EPAS1: variants seen among roughly 807,000 people sequenced by gnomAD.
EPAS1 encodes the protein endothelial PAS domain protein 1, also known as endothelial PAS domain-containing protein 1.
A neutral mutation model predicts 87.9 loss-of-function variants in EPAS1; 23 were observed. That is an observed-to-expected ratio of 0.26 (90% confidence interval 0.19 to 0.37). EPAS1 has a LOEUF of 0.37. Ranked by LOEUF, EPAS1 falls within the 10% of genes least tolerant of loss-of-function variation. The pLI is 1.00. For synonymous variants in EPAS1, 508 were observed against 444.3 expected (o/e 1.14, Z -1.80); for missense variants, 1,138 against 1,120.7 (o/e 1.02, Z -0.22).
At chr2:46,342,097 C>G (rs1683924701) in intron 1 of EPAS1, among the ~76,000 whole-genome samples, 1 of 152,216 alleles carries the variant, frequency 6.6e-6, no homozygotes, top group Admixed American at 6.5e-5. Context: ...GCCCAGCCTG[C>G]ACCTGAGACC....
chr2:46,380,934 A>G lies in EPAS1; in HGVS notation c.2045+217A>G, dbSNP rs1034682171. ...CTGGGCTGCCACTGAGGGCAGGCAAAGAAGTGGCTTGTTGAGAGCCCTGTA... is the reference window on the plus strand; with the variant it reads ...CTGGGCTGCCACTGAGGGCAGGCAAGGAAGTGGCTTGTTGAGAGCCCTGTA... On this transcript the variant is annotated intron_variant, in intron 12 of 15. Transcript: ENST00000263734. The surrounding 1 kb of genome is among the most constrained non-coding windows in gnomAD (Gnocchi z 4.4). Among the ~76,000 whole-genome samples the G allele has an allele frequency of 1.3e-5, 2 of 152,194 alleles. No individual in the cohort carries two copies. Among genetic ancestry groups the G allele is most frequent in the Non-Finnish European group, 2.9e-5 (2 of 68,040 alleles).
rs188539969 is a variant in EPAS1 at position 46,307,359 on chromosome 2, A to C, written c.26+9422A>C. ...CCTTTATTTGTGTGCTTGCACAACAAATGTTTACCCAGATATTAAGATAAG... is the reference window on the plus strand; with the variant it reads ...CCTTTATTTGTGTGCTTGCACAACACATGTTTACCCAGATATTAAGATAAG... On this transcript the variant is annotated intron_variant, in intron 1 of 15. Coordinates refer to ENST00000263734, the MANE Select transcript of EPAS1 (RefSeq NM_001430.5). Among the ~76,000 whole-genome samples, 6 of 152,304 alleles carry C rather than the reference A, an allele frequency of 3.9e-5. No homozygotes were observed. In the East Asian group the frequency reaches 1.2e-3, roughly 29 times the overall value.
At chr2:46,374,471 C>T (rs925496927) in intron 7 of EPAS1, among the ~76,000 whole-genome samples, 1 of 152,186 alleles carries the variant, frequency 6.6e-6, no homozygotes, top group Non-Finnish European at 1.5e-5. Context: ...TGGGTACAGT[C>T]GATCCTCAGT....
At chr2:46,356,024 C>T in intron 2 of EPAS1, 127 bp from the exon 3 acceptor site, 1 of 983,164 alleles carries the variant, frequency 1.0e-6, no homozygotes, top group Non-Finnish European at 1.6e-6. Flanking sequence ...AGATGGTTGG[C>T]AGTATGCGTT....
intron 6 of EPAS1, among the ~76,000 whole-genome samples, chr2:46,369,221 G>A (rs1462851842): frequency 6.6e-6 from 1 of 152,180 alleles, no homozygotes; most frequent in Admixed American, 6.5e-5. Context: ...GGCACCTGAG[G>A]TCACAGGCAG....
At chr2:46,323,955 C>G (rs1311857410) in intron 1 of EPAS1, among the ~76,000 whole-genome samples, 1 of 152,202 alleles carries the variant, frequency 6.6e-6, no homozygotes, top group East Asian at 1.9e-4. Flanking sequence ...AATGTCTGGT[C>G]TCACCACCAA....
chr2:46,344,306 C>T (rs1271313867), intron 1 of EPAS1, among the ~76,000 whole-genome samples: 4 of 152,228 alleles, frequency 2.6e-5, no homozygotes, highest in Non-Finnish European at 4.4e-5. Flanking sequence ...GGGCCAATGG[C>T]AGAGGGAAGC....
chr2:46,310,752 C>G (rs528576432), intron 1 of EPAS1, among the ~76,000 whole-genome samples: 126 of 152,374 alleles, frequency 8.3e-4, no homozygotes, highest in African/African-American at 3.0e-3. Context: ...ATTCCAGGGA[C>G]CAGTAGAGGC....
At chr2:46,327,259 A>AG (rs1478957869) in intron 1 of EPAS1, among the ~76,000 whole-genome samples, 1 of 152,232 alleles carries the variant, frequency 6.6e-6, no homozygotes, top group Non-Finnish European at 1.5e-5. Flanking sequence ...AATGAAAAAG[A>AG]GAAAAAGTAG....
chr2:46,380,070 A>T lies in EPAS1; in HGVS notation c.1555-157A>T. On this transcript the variant is annotated intron_variant, in intron 11 of 15. Transcript: ENST00000263734. The surrounding 1 kb of genome is among the most constrained non-coding windows in gnomAD (Gnocchi z 4.4). ...CGTGTACATGACACAGCCAAGTCTG[A>T]GGTTTTCCTGATAGGCCCTCGGGAG... The T allele has an allele frequency of 8.4e-7, 1 of 1,188,218 alleles. No individual in the cohort carries two copies. Among genetic ancestry groups the T allele is most frequent in the South Asian group, 1.2e-5 (1 of 81,418 alleles). 73.6% of individuals were successfully genotyped at this position (1,188,218 alleles called of 1,614,324 possible).
At chr2:46,382,875 G>A (rs181921732) in intron 15 of EPAS1, among the ~76,000 whole-genome samples, 198 of 152,288 alleles carry the variant, frequency 1.3e-3, no homozygotes, top group African/African-American at 4.5e-3. Flanking sequence ...GACCACTACC[G>A]ACTGCCCAAA....
chr2:46,366,523 G>A (rs1006866211), intron 6 of EPAS1, among the ~76,000 whole-genome samples: 2 of 151,996 alleles, frequency 1.3e-5, no homozygotes, highest in African/African-American at 2.4e-5. Context: ...TCTCCTCACT[G>A]CATCCTTGGT....
chr2:46,374,924 C>T (rs1387520851), intron 7 of EPAS1, among the ~76,000 whole-genome samples: 1 of 152,044 alleles, frequency 6.6e-6, no homozygotes, highest in Non-Finnish European at 1.5e-5. Context: ...GGAAGCCTAG[C>T]TGGGCGGTTG....
rs146630883 is a variant in EPAS1 at position 46,332,332 on chromosome 2, G to GTGTATA, written c.27-14540_27-14539insGTATAT. On this transcript the variant is annotated intron_variant, in intron 1 of 15. Transcript: ENST00000263734. ...TGTGTGTGTGTGTGTGTGTGTGTGTGTATCAACTTGTTTTCTCTTTGGCTG... is the reference window on the plus strand; with the variant it reads ...TGTGTGTGTGTGTGTGTGTGTGTGTGTGTATATATCAACTTGTTTTCTCTTTGGCTG... 7.1e-4 allele frequency among the ~76,000 whole-genome samples: 101 copies of GTGTATA among 142,116 alleles called. 1 individual carries two copies. The highest frequency in any genetic ancestry group is 1.2e-3 in the Non-Finnish European group (78 of 66,356). The allele number at this position is 142,116 out of a possible 152,430, so 93.2% of individuals were successfully genotyped here. A position where few individuals can be genotyped will look rare whatever the true frequency, so the allele number is the denominator to read the frequency against.
intron 4 of EPAS1, among the ~76,000 whole-genome samples, chr2:46,359,190 C>T (rs907725016): frequency 1.9e-4 from 26 of 135,312 alleles, no homozygotes; most frequent in Admixed American, 5.5e-4. Flanking sequence ...ACCCAGGAGG[C>T]AGAGGTTGCA....
chr2:46,336,495 G>T (rs1180114846), intron 1 of EPAS1, among the ~76,000 whole-genome samples: 1 of 152,150 alleles, frequency 6.6e-6, no homozygotes, highest in African/African-American at 2.4e-5. Flanking sequence ...AAATAGGAAG[G>T]AATAAAATGA....
Position 46,377,614 on chromosome 2 carries a change from C to T in EPAS1, c.1250-280C>T, listed in dbSNP as rs1190480060. Among the ~76,000 whole-genome samples the T allele has an allele frequency of 3.9e-5, 6 of 152,358 alleles. No individual in the cohort carries two copies. The South Asian group carries it at 6.2e-4, about 16-fold the overall frequency. On this transcript the variant is annotated intron_variant, in intron 9 of 15. Coordinates refer to ENST00000263734, the MANE Select transcript of EPAS1 (RefSeq NM_001430.5). ...CTCATACCTTCCTTGTCTACCCTTCCGGATCTGTTCCTCAGGGAAGAGTGG... is the reference window on the plus strand; with the variant it reads ...CTCATACCTTCCTTGTCTACCCTTCTGGATCTGTTCCTCAGGGAAGAGTGG...
chr2:46,331,111 G>A (rs1042893974), intron 1 of EPAS1, among the ~76,000 whole-genome samples: 1 of 152,176 alleles, frequency 6.6e-6, no homozygotes, highest in African/African-American at 2.4e-5. Context: ...GGCACTCATA[G>A]ACGCTGAGGT....
intron 3 of EPAS1, 47 bp from the exon 4 acceptor site, chr2:46,356,677 T>C: frequency 1.4e-6 from 2 of 1,454,674 alleles, no homozygotes; most frequent in Non-Finnish European, 9.7e-7. Flanking sequence ...TGGAGTCTTT[T>C]ACTTCACTGT....
Sources: allele counts gnomAD v4.1 joint callset (sites outside exome capture counted in the v4.1 genomes callset), GRCh38; gene constraint gnomAD v4.1.1; non-coding constraint Gnocchi (gnomAD v3.1); transcripts MANE v1.5; gene names NCBI Gene and HGNC (gene_info 2026-07-23, HGNC 2026-07-21).